The following DYNC2H1 variants were observed in gnomAD, a reference collection of about 807,000 sequenced individuals.
DYNC2H1 encodes cytoplasmic dynein 2 heavy chain 1.
DYNC2H1 carries 410 observed loss-of-function variants against 570.0 expected under a neutral mutation model. That is an observed-to-expected ratio of 0.72 (90% CI 0.66 to 0.78). The LOEUF (loss-of-function observed/expected upper bound fraction) is 0.78, where lower values mean the gene tolerates loss of function less well. DYNC2H1 is among the 30% of genes least tolerant of loss of function. The pLI, the probability that DYNC2H1 is intolerant of heterozygous loss-of-function variation, is 0.00. For synonymous variants in DYNC2H1, 1,688 were observed against 1,677.6 expected, an observed-to-expected ratio of 1.01 and a Z score of -0.15; for missense variants, 4,865 against 5,046.4, an observed-to-expected ratio of 0.96 and a Z score of 1.09.
rs1863366474 is a variant in DYNC2H1 at position 103,215,958 on chromosome 11, A to G, written c.8832+100A>G. The G allele has an allele frequency of 2.2e-6, 3 of 1,388,738 alleles. No homozygotes were observed. In the African/African-American group the frequency reaches 4.3e-5, roughly 20 times the overall value. 86.0% of individuals were successfully genotyped at this position (1,388,738 alleles called of 1,614,324 possible). On this transcript the variant is annotated intron_variant, in intron 55 of 88. Coordinates refer to ENST00000375735, the MANE Select transcript of DYNC2H1 (RefSeq NM_001377.3). The stretch of plus-strand genomic sequence containing the variant: ...ATTTTCACTTAGGTGGATTTAAAAA[A>G]TATTGCTTATTCATACTGAGTCAGA...
Position 103,163,005 on chromosome 11 carries a change from T to C in DYNC2H1, c.4492-23T>C. ...CAGTTTATTTTATGTCTTGTTTATA[T>C]TATTTTCCAATTTCTTTTTCAGACA... On this transcript the variant is annotated intron_variant, in intron 29 of 88. Transcript: ENST00000375735. The surrounding 1 kb of genome is among the most constrained non-coding windows in gnomAD (Gnocchi z 4.6). 2 of 1,596,804 alleles carry C rather than the reference T, an allele frequency of 1.3e-6. No individual in the cohort carries two copies. Among genetic ancestry groups the C allele is most frequent in the Non-Finnish European group, 1.7e-6 (2 of 1,168,090 alleles).
intron 52 of DYNC2H1, among the ~76,000 whole-genome samples, chr11:103,206,281 T>C (rs1466251665): frequency 2.0e-5 from 3 of 152,120 alleles, no homozygotes; most frequent in Non-Finnish European, 4.4e-5. Flanking sequence ...AGACAGAGGA[T>C]ACTGTGAAAA....
intron 84 of DYNC2H1, among the ~76,000 whole-genome samples, chr11:103,424,285 AGATAGCCCTGCACACTAGCTT>A (rs1017918427): frequency 2.0e-5 from 3 of 152,158 alleles, no homozygotes; most frequent in Admixed American, 2.0e-4. Flanking sequence ...AATCACAATG[AGATAGCCCTGCACACTAGCTT>A]GATTGGTTTA....
chr11:103,294,802 G>A (rs1304209554), intron 75 of DYNC2H1, among the ~76,000 whole-genome samples: 6 of 152,128 alleles, frequency 3.9e-5, no homozygotes, highest in Non-Finnish European at 8.8e-5. Flanking sequence ...AAGCCAGCAG[G>A]TTGCCTTCTG....
rs189730787 is a variant in DYNC2H1 at position 103,235,659 on chromosome 11, C to G, written c.9568-13C>G. 1.2e-4 allele frequency: 198 copies of G among 1,597,476 alleles called. No individual in the cohort carries two copies. The Middle Eastern group carries it at 4.0e-3, about 32-fold the overall frequency. Reference sequence around the variant, plus strand: ...TCATATATCTCCCTCTTTCTTCTCTCTCTTTTTTCCAGGTTGTAGAGATAA... The same window carrying G: ...TCATATATCTCCCTCTTTCTTCTCTGTCTTTTTTCCAGGTTGTAGAGATAA... On this transcript the variant is annotated splice_polypyrimidine_tract_variant and intron_variant, in intron 61 of 88. Coordinates refer to ENST00000375735, the MANE Select transcript of DYNC2H1 (RefSeq NM_001377.3).
chr11:103,463,566 A>G (rs555412829), intron 87 of DYNC2H1, among the ~76,000 whole-genome samples: 2 of 152,284 alleles, frequency 1.3e-5, no homozygotes, highest in African/African-American at 4.8e-5. Context: ...CCTGAGCAAC[A>G]TGGAAGAACC....
At chr11:103,452,777 T>A (rs1277577197) in intron 85 of DYNC2H1, among the ~76,000 whole-genome samples, 1 of 148,078 alleles carries the variant, frequency 6.8e-6, no homozygotes, top group Non-Finnish European at 1.5e-5. Flanking sequence ...ACAGTTATTT[T>A]TGTATGTCTC....
chr11:103,364,860 C>T lies in DYNC2H1; in HGVS notation c.12156+6501C>T, dbSNP rs1339155206. On this transcript the variant is annotated intron_variant, in intron 83 of 88. Transcript: ENST00000375735. Reference sequence around the variant, plus strand: ...GTTACTTCAGTAGTGAAGTGGAGCCCAGAATTCCACCCACAGGCACTGCAG... The same window carrying T: ...GTTACTTCAGTAGTGAAGTGGAGCCTAGAATTCCACCCACAGGCACTGCAG... 2.6e-5 allele frequency among the ~76,000 whole-genome samples: 4 copies of T among 152,076 alleles called. No individual in the cohort carries two copies. The East Asian group carries it at 7.7e-4, about 29-fold the overall frequency.
Position 103,446,687 on chromosome 11 carries a change from T to A in DYNC2H1, c.12457-8499T>A, listed in dbSNP as rs1301846538. Among the ~76,000 whole-genome samples, 1 of 152,066 alleles carries A rather than the reference T, an allele frequency of 6.6e-6. No individual in the cohort carries two copies. The highest frequency in any genetic ancestry group is 1.5e-5 in the Non-Finnish European group (1 of 67,992). On this transcript the variant is annotated intron_variant, in intron 85 of 88. Transcript: ENST00000375735. This position sits in a 1 kb window ranked among gnomAD's most constrained non-coding sequence, Gnocchi z 4.5. ...TTTTTGGTTTGGTTTTGTTTTTTAA[T>A]ATAGGGGATTTTTGACCATATCTGT...
chr11:103,377,098 G>A (rs1267722966), intron 83 of DYNC2H1, among the ~76,000 whole-genome samples: 1 of 152,076 alleles, frequency 6.6e-6, no homozygotes, highest in Non-Finnish European at 1.5e-5. Flanking sequence ...AGAACTTTTG[G>A]GGTTGAATAT....
At chr11:103,331,926 G>C (rs1054879896) in intron 82 of DYNC2H1, among the ~76,000 whole-genome samples, 2 of 152,058 alleles carry the variant, frequency 1.3e-5, no homozygotes, top group African/African-American at 4.8e-5. Context: ...CAGGCGTGGT[G>C]GCACGTGCCT....
At position 103,148,551 on chromosome 11, in the gene DYNC2H1, C is replaced by T; in HGVS notation, c.2880C>T (p.Pro960=). The change falls in exon 20 of 89, where the codon CCC becomes CCT. Residue 960 remains proline (P), a synonymous_variant. Coordinates refer to ENST00000375735, the MANE Select transcript of DYNC2H1 (RefSeq NM_001377.3). ...CTATGGAAGTCTTAACAATTATGCC[C>T]CAGTCTGTGGAAGAAATTGGTGATG... The part of the protein sequence containing the change: ...TEAMEVLTIM[P]QSVEEIGDAN... 1 of 1,566,534 alleles carries T rather than the reference C, an allele frequency of 6.4e-7. No homozygotes were observed. Among genetic ancestry groups the T allele is most frequent in the Non-Finnish European group, 8.7e-7 (1 of 1,154,252 alleles).
intron 74 of DYNC2H1, among the ~76,000 whole-genome samples, chr11:103,286,653 G>A (rs895410022): frequency 2.0e-5 from 3 of 152,070 alleles, no homozygotes; most frequent in Non-Finnish European, 4.4e-5. Context: ...ATTTCAGAAA[G>A]AAACTAAGGT....
In DYNC2H1 at chr11:103,186,242, G is replaced by A. The variant is rs765322029; in HGVS notation, c.6634G>A (p.Val2212Ile). The change falls in exon 42 of 89, where the codon GTT (valine) becomes ATT (isoleucine). Residue 2212 changes from valine (V) to isoleucine (I), a missense_variant and splice_region_variant. Val to Ile is a conservative substitution (Grantham distance 29). Transcript: ENST00000375735. The surrounding 1 kb of genome is among the most constrained non-coding windows in gnomAD (Gnocchi z 4.5). ...CTTATCACAATTTTTTCCTCTTAAG[G>A]TTTTTCATTGGGCACGAGAATCTCC... ...MKSRLEFTKE[V>I]FHWARESPPD... 8.1e-6 allele frequency: 13 copies of A among 1,608,416 alleles called. No homozygotes were observed. Among genetic ancestry groups the A allele is most frequent in the African/African-American group, 1.3e-5 (1 of 74,676 alleles).
chr11:103,190,179 A>G (rs1416157254), intron 45 of DYNC2H1, among the ~76,000 whole-genome samples: 1 of 152,100 alleles, frequency 6.6e-6, no homozygotes, highest in Non-Finnish European at 1.5e-5. Flanking sequence ...GCAGTCTTTG[A>G]TGTTTCTTTC....
At chr11:103,318,973 T>G (rs1430940064) in intron 80 of DYNC2H1, among the ~76,000 whole-genome samples, 1 of 152,150 alleles carries the variant, frequency 6.6e-6, no homozygotes, top group East Asian at 1.9e-4. Context: ...ACACAGATTT[T>G]TTTTTTGGAG....
At chr11:103,390,452 A>G (rs934453411) in intron 83 of DYNC2H1, among the ~76,000 whole-genome samples, 6 of 151,908 alleles carry the variant, frequency 3.9e-5, no homozygotes, top group African/African-American at 9.7e-5. Context: ...TCTTTATCCA[A>G]TTTACCAGTC....
chr11:103,462,579 A>G (rs151265623), intron 87 of DYNC2H1, among the ~76,000 whole-genome samples: 25 of 152,302 alleles, frequency 1.6e-4, no homozygotes, highest in Admixed American at 8.5e-4. Context: ...TTCTTCTGCA[A>G]AGAGGCTTCA....
In DYNC2H1 at chr11:103,228,248, G is replaced by A. The variant is rs1409980637; in HGVS notation, c.9354-3012G>A. ...GATGAGCTGGTATAATATTTTGGGG[G>A]TGTTAAAGAACCTTGTTTTGTCATA... On this transcript the variant is annotated intron_variant, in intron 59 of 88. Coordinates refer to ENST00000375735, the MANE Select transcript of DYNC2H1 (RefSeq NM_001377.3). The surrounding 1 kb of genome is among the most constrained non-coding windows in gnomAD (Gnocchi z 6.1). Among the ~76,000 whole-genome samples, 1 of 152,104 alleles carries A rather than the reference G, an allele frequency of 6.6e-6. No individual in the cohort carries two copies. The highest frequency in any genetic ancestry group is 6.6e-5 in the Admixed American group (1 of 15,250).
Sources: gnomAD v4.1 joint callset for allele counts (sites outside exome capture counted in the v4.1 genomes callset) on GRCh38, gnomAD v4.1.1 for gene constraint, Gnocchi (gnomAD v3.1) non-coding constraint, MANE v1.5 for transcripts, NCBI Gene and HGNC (gene_info 2026-07-23, HGNC 2026-07-21) for gene names.